The following PTK7 variants were observed in gnomAD, a reference collection of about 807,000 sequenced individuals.
PTK7 encodes the protein protein tyrosine kinase 7 (inactive), also known as inactive tyrosine-protein kinase 7.
In PTK7, 39 loss-of-function variants were observed where a neutral mutation model predicts 116.6. The observed-to-expected ratio is 0.33, with a 90% CI of 0.26 to 0.44. PTK7 has a LOEUF of 0.44. Ranked by LOEUF, PTK7 falls within the 20% of genes least tolerant of loss-of-function variation. The probability of loss-of-function intolerance (pLI) is 1.00; values close to 1 mark genes in which losing one functional copy is unlikely to be tolerated. For missense variants in PTK7, 1,169 were observed against 1,425.6 expected (o/e 0.82, Z 2.90); for synonymous variants, 546 against 563.6 (o/e 0.97, Z 0.44).
intron 1 of PTK7, among the ~76,000 whole-genome samples, chr6:43,090,570 C>T (rs911496074): frequency 6.6e-6 from 1 of 152,146 alleles, no homozygotes; most frequent in Non-Finnish European, 1.5e-5. Flanking sequence ...TACAAAGACC[C>T]TAGCCAGGTC....
At chr6:43,134,793 A>AG (rs1344525189) in intron 7 of PTK7, among the ~76,000 whole-genome samples, 1 of 151,728 alleles carries the variant, frequency 6.6e-6, no homozygotes, top group Non-Finnish European at 1.5e-5. Context: ...AAAAAAAAAA[A>AG]AAAAAATTTA....
chr6:43,082,068 A>G (rs1429783839), intron 1 of PTK7, among the ~76,000 whole-genome samples: 1 of 152,206 alleles, frequency 6.6e-6, no homozygotes, highest in East Asian at 1.9e-4. Flanking sequence ...TCCTCAGAGA[A>G]CTGGGTAGGG....
Position 43,143,986 on chromosome 6 carries a change from C to G in PTK7, c.2251+366C>G, listed in dbSNP as rs973312711. On this transcript the variant is annotated intron_variant, in intron 14 of 19. Transcript: ENST00000230419. This position sits in a 1 kb window ranked among gnomAD's most constrained non-coding sequence, Gnocchi z 4.2. Reference sequence around the variant, plus strand: ...CCAGGGGCAGTCTTTCTGTTTACTTCCCTTCTCCTATCCCCACTTCCTGGA... The same window carrying G: ...CCAGGGGCAGTCTTTCTGTTTACTTGCCTTCTCCTATCCCCACTTCCTGGA... 3.9e-5 allele frequency among the ~76,000 whole-genome samples: 6 copies of G among 152,210 alleles called. No homozygotes were observed. The highest frequency in any genetic ancestry group is 1.4e-4 in the African/African-American group (6 of 41,448).
intron 7 of PTK7, among the ~76,000 whole-genome samples, chr6:43,134,312 T>C (rs1582168615): frequency 6.6e-6 from 1 of 152,200 alleles, no homozygotes; most frequent in Non-Finnish European, 1.5e-5. Flanking sequence ...GTGCTGGGAT[T>C]ATGGGTGTGA....
intron 1 of PTK7, among the ~76,000 whole-genome samples, chr6:43,117,751 A>T (rs747830412): frequency 6.6e-6 from 1 of 152,096 alleles, no homozygotes; most frequent in Non-Finnish European, 1.5e-5. Flanking sequence ...ACCAGCCAAC[A>T]TGGTGAAACC....
At chr6:43,098,432 T>C (rs1767374885) in intron 1 of PTK7, among the ~76,000 whole-genome samples, 1 of 151,904 alleles carries the variant, frequency 6.6e-6, no homozygotes, top group Non-Finnish European at 1.5e-5. Context: ...TTCAGCTCAC[T>C]GCAACCTCTT....
At position 43,157,378 on chromosome 6, in the gene PTK7, T is replaced by TTTTTTTTTC. The variant is rs1771563027; in HGVS notation, c.2722-1431_2722-1430insCTTTTTTTT. The stretch of plus-strand genomic sequence containing the variant: ...TATATATATATATTTTTTTTTTTCT[T>TTTTTTTTTC]TTTTTTTTTTTTTTTTTAATAGAGT... On this transcript the variant is annotated intron_variant, in intron 17 of 19. Coordinates refer to ENST00000230419, the MANE Select transcript of PTK7 (RefSeq NM_002821.5). Among the ~76,000 whole-genome samples, 7 of 79,802 alleles carry TTTTTTTTTC rather than the reference T, an allele frequency of 8.8e-5. 1 individual carries two copies. The highest frequency in any genetic ancestry group is 1.8e-4 in the Non-Finnish European group (7 of 39,368). The allele number at this position is 79,802 out of a possible 152,430, so 52.4% of individuals were successfully genotyped here.
At chr6:43,150,805 TTTTTTTTTTTTCC>T (rs1467664348) in intron 17 of PTK7, among the ~76,000 whole-genome samples, 3 of 106,614 alleles carry the variant, frequency 2.8e-5, no homozygotes, top group East Asian at 4.7e-4. Flanking sequence ...TTTTTTTTTT[TTTTTTTTTTTTCC>T]CGAGACAGAG....
chr6:43,143,375 T>C lies in PTK7; in HGVS notation c.2048-42T>C. The C allele has an allele frequency of 1.9e-6, 3 of 1,582,342 alleles. No homozygotes were observed. Among genetic ancestry groups the C allele is most frequent in the Non-Finnish European group, 8.6e-7 (1 of 1,160,364 alleles). Reference sequence around the variant, plus strand: ...GTTAGTAGAGAAGCAGGGCTTCTTTTGCTTAGCAGCCCCTGCCCAGACCCA... The same window carrying C: ...GTTAGTAGAGAAGCAGGGCTTCTTTCGCTTAGCAGCCCCTGCCCAGACCCA... On this transcript the variant is annotated intron_variant, in intron 13 of 19. Transcript: ENST00000230419. This position sits in a 1 kb window ranked among gnomAD's most constrained non-coding sequence, Gnocchi z 4.2.
rs753906169 is a variant in PTK7 at position 43,143,586 on chromosome 6, C to G, written c.2217C>G (p.Pro739=). The change falls in exon 14 of 20, where the codon CCC becomes CCG. Residue 739 remains proline (P), a synonymous_variant. Transcript: ENST00000230419. The surrounding 1 kb of genome is among the most constrained non-coding windows in gnomAD (Gnocchi z 4.2). The part of the protein sequence containing the change: ...RCKAKRLQKQ[P]EGEEPEMECL... ...AAGCCAAGCGGCTGCAGAAGCAGCC[C>G]GAGGGCGAGGAGCCAGAGATGGAAT... 39 of 1,612,924 alleles carry G rather than the reference C, an allele frequency of 2.4e-5. No individual in the cohort carries two copies. The highest frequency in any genetic ancestry group is 3.3e-5 in the Non-Finnish European group (39 of 1,179,982).
At chr6:43,157,378 T>TTTTTTTTTTTTTC (rs1771563469) in intron 17 of PTK7, among the ~76,000 whole-genome samples, 1 of 79,820 alleles carries the variant, frequency 1.3e-5, no homozygotes, top group Non-Finnish European at 2.5e-5. Context: ...TTTTTTTTCT[T>TTTTTTTTTTTTTC]TTTTTTTTTT....
At chr6:43,091,860 T>C (rs1766971826) in intron 1 of PTK7, among the ~76,000 whole-genome samples, 1 of 152,154 alleles carries the variant, frequency 6.6e-6, no homozygotes, top group Non-Finnish European at 1.5e-5. Context: ...AGTAACTCTT[T>C]TTTTAATTTA....
chr6:43,102,931 CACTT>C (rs1397249809), intron 1 of PTK7, among the ~76,000 whole-genome samples: 2 of 151,934 alleles, frequency 1.3e-5, no homozygotes, highest in South Asian at 2.1e-4. Context: ...AAGACCCTGT[CACTT>C]ACAGGAAAAA....
intron 5 of PTK7, 39 bp downstream of exon 5, chr6:43,130,700 C>T (rs759040637): frequency 1.2e-6 from 2 of 1,604,782 alleles, no homozygotes; most frequent in East Asian, 2.2e-5. Flanking sequence ...TACCATGTAC[C>T]ACACACATGC....
intron 1 of PTK7, among the ~76,000 whole-genome samples, chr6:43,091,022 G>A (rs1298596206): frequency 6.6e-6 from 1 of 152,190 alleles, no homozygotes; most frequent in Non-Finnish European, 1.5e-5. Context: ...TCTGTCTGAA[G>A]CCTGGCTGCC....
At chr6:43,104,417 T>G (rs1448278810) in intron 1 of PTK7, among the ~76,000 whole-genome samples, 1 of 152,126 alleles carries the variant, frequency 6.6e-6, no homozygotes, top group Non-Finnish European at 1.5e-5. Flanking sequence ...TTAAAATTAT[T>G]TATTTATTTA....
chr6:43,131,867 G>A (rs1769701900), intron 5 of PTK7, 149 bp from the exon 6 acceptor site: 1 of 1,046,782 alleles, frequency 9.6e-7, no homozygotes, highest in Admixed American at 2.0e-5. Context: ...ACACACACCA[G>A]TCTGGAGTGT....
Position 43,138,901 on chromosome 6 carries a change from A to T in PTK7, c.1281A>T (p.Lys427Asn). The T allele has an allele frequency of 6.2e-7, 1 of 1,614,166 alleles. No homozygotes were observed. Among genetic ancestry groups the T allele is most frequent in the Non-Finnish European group, 8.5e-7 (1 of 1,180,024 alleles). ...AAGACAGCCAGCTGGAGGAGGGCAA[A>T]CCCGGCTACTTGGATTGCCTGACCC... ...KPQDSQLEEG[K>N]PGYLDCLTQA... Residue 427 changes from lysine to asparagine, a missense_variant, in exon 8 of 20, where the codon AAA becomes AAT. Lys to Asn is a moderately conservative substitution (Grantham distance 94). This residue lies in a region of PTK7 where 678 missense variants were observed against 853.8 expected (regional missense o/e 0.79). Transcript: ENST00000230419.
chr6:43,151,422 C>G (rs955966578), intron 17 of PTK7, among the ~76,000 whole-genome samples: 4 of 151,678 alleles, frequency 2.6e-5, no homozygotes, highest in African/African-American at 9.7e-5. Flanking sequence ...CCGTGTTAGC[C>G]AAGATGGTCT....
Sources: gnomAD v4.1 joint callset for allele counts (sites outside exome capture counted in the v4.1 genomes callset) on GRCh38, gnomAD v4.1.1 for gene constraint, gnomAD v4.1.1 regional missense constraint, Gnocchi (gnomAD v3.1) non-coding constraint, MANE v1.5 for transcripts, NCBI Gene and HGNC (gene_info 2026-07-23, HGNC 2026-07-21) for gene names.